Variants in SDC3 observed in about 807,000 individuals in gnomAD.
SDC3 encodes the protein syndecan-3.
A neutral mutation model predicts 24.4 loss-of-function variants in SDC3; 13 were observed. That is an observed-to-expected ratio of 0.53 (90% confidence interval 0.35 to 0.85). The LOEUF (loss-of-function observed/expected upper bound fraction) is 0.85. Among genes scored for constraint, SDC3 ranks in the 40% least tolerant of loss-of-function variants. The pLI is 0.01. For missense variants in SDC3, 571 were observed against 584.5 expected (o/e 0.98, Z 0.24); for synonymous variants, 295 against 260.9 (o/e 1.13, Z -1.26).
At chr1:30,894,429 T>C (rs1177520311) in intron 1 of SDC3, among the ~76,000 whole-genome samples, 1 of 79,184 alleles carries the variant, frequency 1.3e-5, no homozygotes, top group Non-Finnish European at 2.3e-5. Context: ...GGTGAGTGTG[T>C]GCATTGAGTG....
At chr1:30,905,828 G>A (rs901124956) in intron 1 of SDC3, among the ~76,000 whole-genome samples, 1 of 151,528 alleles carries the variant, frequency 6.6e-6, no homozygotes, top group Non-Finnish European at 1.5e-5. Context: ...GTCAGAAGAG[G>A]GACTCCTCAA....
chr1:30,905,337 G>A (rs1457005482), intron 1 of SDC3, among the ~76,000 whole-genome samples: 3 of 16,844 alleles, frequency 1.8e-4, no homozygotes, highest in Admixed American at 7.1e-4. Context: ...ACCCCCATCC[G>A]TACTCTCTCT....
In SDC3 at chr1:30,876,692, G is replaced by A. The variant is rs1639643540; in HGVS notation, c.730C>T (p.Pro244Ser). 2 of 1,603,258 alleles carry A rather than the reference G, an allele frequency of 1.2e-6. No homozygotes were observed. Among genetic ancestry groups the A allele is most frequent in the African/African-American group, 2.7e-5 (2 of 74,572 alleles). ...GCTGTGCTGACCAGCCTGGGTGTTGGGGCCTCGGTGTCCAAGACAGCCGCC... is the reference window on the plus strand; with the variant it reads ...GCTGTGCTGACCAGCCTGGGTGTTGAGGCCTCGGTGTCCAAGACAGCCGCC... Reference protein sequence around the residue: ...TTAAVLDTEAPTPRLVSTATS... With the variant: ...TTAAVLDTEASTPRLVSTATS... The change falls in exon 3 of 5, where the codon CCA becomes TCA. Residue 244 changes from proline (P) to serine (S), a missense_variant. Physicochemically the swap from Pro to Ser is moderately conservative, Grantham distance 74. Transcript: ENST00000339394.
chr1:30,870,295 T>C lies in SDC3; in HGVS notation c.*2916A>G. 5.7e-6 allele frequency: 1 copy of C among 174,146 alleles called. No homozygotes were observed. The highest frequency in any genetic ancestry group is 1.2e-5 in the Non-Finnish European group (1 of 83,066). The allele number at this position is 174,146 out of a possible 1,614,324, so 10.8% of individuals were successfully genotyped here. On this transcript the variant is annotated 3_prime_UTR_variant, in exon 5 of 5. Coordinates refer to ENST00000339394, the MANE Select transcript of SDC3 (RefSeq NM_014654.4). ...AAGGCCCCCATCTGGCCTCCTGGCCTCCTGGAGACAGGGTCTGGGCTCTCC... is the reference window on the plus strand; with the variant it reads ...AAGGCCCCCATCTGGCCTCCTGGCCCCCTGGAGACAGGGTCTGGGCTCTCC...
rs1639693188 is a variant in SDC3, at chr1:30,878,807, G to A, written c.139-67C>T. Reference sequence around the variant, plus strand: ...CTGGCAGCCTGGGTGAGCCCAGAAGGGCGACAGGTGCCCTTGTGGGCTGAG... The same window carrying A: ...CTGGCAGCCTGGGTGAGCCCAGAAGAGCGACAGGTGCCCTTGTGGGCTGAG... On this transcript the variant is annotated intron_variant, in intron 1 of 4. Coordinates refer to ENST00000339394, the MANE Select transcript of SDC3 (RefSeq NM_014654.4). 16 of 1,306,832 alleles carry A rather than the reference G, an allele frequency of 1.2e-5. No homozygotes were observed. In the South Asian group the frequency reaches 1.9e-4, roughly 15 times the overall value. The allele number at this position is 1,306,832 out of a possible 1,614,324, so 81.0% of individuals were successfully genotyped here. A position where few individuals can be genotyped will look rare whatever the true frequency, so the allele number is the denominator to read the frequency against.
At chr1:30,888,964 C>A (rs988722175) in intron 1 of SDC3, among the ~76,000 whole-genome samples, 7 of 152,184 alleles carry the variant, frequency 4.6e-5, no homozygotes, top group Non-Finnish European at 8.8e-5. Context: ...CTGTCTCCAA[C>A]CCAAGATGAG....
In SDC3 at chr1:30,871,719, C is replaced by G. The variant is rs1028458691; in HGVS notation, c.*1492G>C. On this transcript the variant is annotated 3_prime_UTR_variant, in exon 5 of 5. Transcript: ENST00000339394. ...GTGTCCTGGGAGGCAGAGTCAGCCC[C>G]CTAGCTCAAAGCAGGAAGGGGACAC... 1 of 152,392 alleles carries G rather than the reference C, an allele frequency of 6.6e-6. No homozygotes were observed. Among genetic ancestry groups the G allele is most frequent in the African/African-American group, 2.4e-5 (1 of 41,462 alleles). The allele number at this position is 152,392 out of a possible 1,614,324, so 9.4% of individuals were successfully genotyped here.
rs190522496 is a variant in SDC3, at chr1:30,875,850, G to A, written c.870+702C>T. ...CCTCCCTGTGCACCCACAGTTGCTCGTCTGTAAAATGAGATGACCACAGTG... is the reference window on the plus strand; with the variant it reads ...CCTCCCTGTGCACCCACAGTTGCTCATCTGTAAAATGAGATGACCACAGTG... On this transcript the variant is annotated intron_variant, in intron 3 of 4. Transcript: ENST00000339394. Among the ~76,000 whole-genome samples, 54 of 152,286 alleles carry A rather than the reference G, an allele frequency of 3.5e-4. No individual in the cohort carries two copies. The East Asian group carries it at 5.0e-3, about 14-fold the overall frequency.
chr1:30,905,356 AACACACACACACACAC>A (rs74721441), intron 1 of SDC3, among the ~76,000 whole-genome samples: 2 of 77,238 alleles, frequency 2.6e-5, no homozygotes, highest in Admixed American at 3.2e-4. Context: ...CTCTCTCACA[AACACACACACACACAC>A]ACACACACAC....
chr1:30,884,681 C>G (rs892161992), intron 1 of SDC3, among the ~76,000 whole-genome samples: 3 of 152,192 alleles, frequency 2.0e-5, no homozygotes, highest in African/African-American at 7.2e-5. Context: ...AAATCCTCTT[C>G]CCCCTTCTCT....
intron 1 of SDC3, among the ~76,000 whole-genome samples, chr1:30,879,655 G>A (rs1280664500): frequency 3.3e-5 from 5 of 152,274 alleles, no homozygotes; most frequent in Middle Eastern, 3.4e-3. Flanking sequence ...CCCAGGCTCC[G>A]GCTCCTGCCC....
At chr1:30,908,414 G>A (rs1638575296) in intron 1 of SDC3, 35 bp downstream of exon 1, 12 of 1,010,862 alleles carry the variant, frequency 1.2e-5, no homozygotes, top group Non-Finnish European at 1.3e-5. Context: ...CGGCCCCGGG[G>A]AGCCGTGGCG....
chr1:30,878,843 G>T, intron 1 of SDC3, 103 bp from the exon 2 acceptor site: 2 of 837,836 alleles, frequency 2.4e-6, no homozygotes, highest in Non-Finnish European at 4.1e-6. Flanking sequence ...TGACATCCAC[G>T]TGGGTGACAG....
intron 1 of SDC3, among the ~76,000 whole-genome samples, chr1:30,886,816 G>A (rs539036376): frequency 2.4e-4 from 37 of 152,272 alleles, no homozygotes; most frequent in African/African-American, 7.7e-4. Flanking sequence ...TTCCTTATAT[G>A]CACATTGCCT....
intron 1 of SDC3, among the ~76,000 whole-genome samples, chr1:30,899,002 G>A (rs995178014): frequency 1.3e-5 from 2 of 152,136 alleles, no homozygotes; most frequent in South Asian, 2.1e-4. Context: ...ACCACCTAAC[G>A]GGTCAGGGAT....
chr1:30,873,520 T>TACC (rs1639578902), intron 4 of SDC3, 143 bp from the exon 5 acceptor site: 1 of 616,490 alleles, frequency 1.6e-6, no homozygotes, highest in African/African-American at 1.8e-5. Context: ...ATACTACTAC[T>TACC]ACCAGCACTG....
At position 30,876,842 on chromosome 1, in the gene SDC3, G is replaced by A. The variant is rs755327889; in HGVS notation, c.580C>T (p.Pro194Ser). The A allele has an allele frequency of 5.0e-6, 8 of 1,612,764 alleles. No homozygotes were observed. In the Admixed American group the frequency reaches 1.0e-4, roughly 20 times the overall value. Residue 194 changes from proline (P) to serine (S), a missense_variant, in exon 3 of 5, where the codon CCC (proline) becomes TCC (serine). Physicochemically the swap from Pro to Ser is moderately conservative, Grantham distance 74. Around this residue, in one of 2 missense-constraint regions of SDC3, gnomAD observed 497 missense variants for 471.6 expected, o/e 1.05. Coordinates refer to ENST00000339394, the MANE Select transcript of SDC3 (RefSeq NM_014654.4). ...ATATPSTPAA[P>S]PFTATTAVIR... is the part of the protein sequence containing the mutation. ...ACAGCAGTGGTGGCCGTAAAAGGGG[G>A]TGCTGCAGGGGTGCTGGGGGTGGCG...
intron 1 of SDC3, among the ~76,000 whole-genome samples, chr1:30,879,581 T>C (rs1326133600): frequency 6.6e-6 from 1 of 152,122 alleles, no homozygotes; most frequent in African/African-American, 2.4e-5. Flanking sequence ...CTGGAGTCCC[T>C]GCTCCCTCCA....
rs1639508066 is a variant in SDC3, at chr1:30,870,172, C to T, written c.*3039G>A. ...CCAGGAGGCCTGACAGGCGGCTTTG[C>T]CAACCCCAGGGGGGTTTGGCCCACA... On this transcript the variant is annotated 3_prime_UTR_variant, in exon 5 of 5. Coordinates refer to ENST00000339394, the MANE Select transcript of SDC3 (RefSeq NM_014654.4). The T allele has an allele frequency of 2.8e-6, 1 of 355,050 alleles. No homozygotes were observed. Among genetic ancestry groups the T allele is most frequent in the Non-Finnish European group, 5.0e-6 (1 of 199,134 alleles). 22.0% of individuals were successfully genotyped at this position (355,050 alleles called of 1,614,324 possible). A position where few individuals can be genotyped will look rare whatever the true frequency, so the allele number is the denominator to read the frequency against.
Sources: allele counts gnomAD v4.1 joint callset (sites outside exome capture counted in the v4.1 genomes callset), GRCh38; gene constraint gnomAD v4.1.1; regional missense constraint gnomAD v4.1.1; transcripts MANE v1.5; gene names NCBI Gene and HGNC (gene_info 2026-07-23, HGNC 2026-07-21).